KCNQ1: variants seen among roughly 807,000 people sequenced by gnomAD.
The protein encoded by KCNQ1 is potassium voltage-gated channel subfamily KQT member 1.
KCNQ1 carries 49 observed loss-of-function variants against 72.4 expected under a neutral mutation model. The observed-to-expected ratio is 0.68, with a 90% CI of 0.54 to 0.86. The LOEUF (loss-of-function observed/expected upper bound fraction) is 0.86, where lower values mean the gene tolerates loss of function less well. Among genes scored for constraint, KCNQ1 ranks in the 40% least tolerant of loss-of-function variants. KCNQ1 has a pLI of 0.00. For missense variants in KCNQ1, 790 were observed against 945.1 expected (o/e 0.84, Z 2.15); for synonymous variants, 450 against 412.6 (o/e 1.09, Z -1.10).
Position 2,473,894 on chromosome 11 carries a change from G to C in KCNQ1, c.386+28410G>C, listed in dbSNP as rs989253039. Among the ~76,000 whole-genome samples the C allele has an allele frequency of 2.6e-5, 4 of 152,240 alleles. No homozygotes were observed. Among genetic ancestry groups the C allele is most frequent in the African/African-American group, 9.6e-5 (4 of 41,476 alleles). Reference sequence around the variant, plus strand: ...CCTCCACAGATGGGAGCCTGGGAGAGCCCTGCCTCCCGGAACGGACATCCT... The same window carrying C: ...CCTCCACAGATGGGAGCCTGGGAGACCCCTGCCTCCCGGAACGGACATCCT... On this transcript the variant is annotated intron_variant, in intron 1 of 15. Coordinates refer to ENST00000155840, the MANE Select transcript of KCNQ1 (RefSeq NM_000218.3). The surrounding 1 kb of genome is among the most constrained non-coding windows in gnomAD (Gnocchi z 6.0).
At position 2,809,079 on chromosome 11, in the gene KCNQ1, A is replaced by G. The variant is rs1310835994; in HGVS notation, c.1794+31042A>G. Reference sequence around the variant, plus strand: ...TAGGTGGGTGGGTAGGTGGGTGGCCAGACAATGGATGTGTGAGTGAGTAGA... The same window carrying G: ...TAGGTGGGTGGGTAGGTGGGTGGCCGGACAATGGATGTGTGAGTGAGTAGA... On this transcript the variant is annotated intron_variant, in intron 15 of 15. Transcript: ENST00000155840. This position sits in a 1 kb window ranked among gnomAD's most constrained non-coding sequence, Gnocchi z 7.1. Among the ~76,000 whole-genome samples, 2 of 152,076 alleles carry G rather than the reference A, an allele frequency of 1.3e-5. No individual in the cohort carries two copies. Among genetic ancestry groups the G allele is most frequent in the African/African-American group, 4.8e-5 (2 of 41,386 alleles).
Position 2,682,699 on chromosome 11 carries a change from A to G in KCNQ1, c.1514+20618A>G. 1 of 398,528 alleles carries G rather than the reference A, an allele frequency of 2.5e-6. No homozygotes were observed. The highest frequency in any genetic ancestry group is 4.4e-6 in the Non-Finnish European group (1 of 226,044). The allele number at this position is 398,528 out of a possible 1,614,324, so 24.7% of individuals were successfully genotyped here. A position where few individuals can be genotyped will look rare whatever the true frequency, so the allele number is the denominator to read the frequency against. On this transcript the variant is annotated intron_variant, in intron 11 of 15. Coordinates refer to ENST00000155840, the MANE Select transcript of KCNQ1 (RefSeq NM_000218.3). The surrounding 1 kb of genome is among the most constrained non-coding windows in gnomAD (Gnocchi z 5.8). Reference sequence around the variant, plus strand: ...CCATAGAAGCTGGGGTCCAAAGTTGACCAGAATATCTCTAGTCATAAAGAA... The same window carrying G: ...CCATAGAAGCTGGGGTCCAAAGTTGGCCAGAATATCTCTAGTCATAAAGAA...
chr11:2,625,498 A>G, intron 10 of KCNQ1: 1 of 398,110 alleles, frequency 2.5e-6, no homozygotes, highest in East Asian at 3.6e-5. Context: ...CCTAATGACT[A>G]GAGATGTTAA....
intron 1 of KCNQ1, among the ~76,000 whole-genome samples, chr11:2,503,198 A>G (rs1847045149): frequency 6.6e-6 from 1 of 152,210 alleles, no homozygotes; most frequent in African/African-American, 2.4e-5. Flanking sequence ...ACATCAAGTT[A>G]AAAAGCTTCT....
rs887154446 is a variant in KCNQ1, at chr11:2,695,570, A to G, written c.1514+33489A>G. On this transcript the variant is annotated intron_variant, in intron 11 of 15. Transcript: ENST00000155840. The surrounding 1 kb of genome is among the most constrained non-coding windows in gnomAD (Gnocchi z 5.2). The stretch of plus-strand genomic sequence containing the variant: ...GGGCCATGCTGCCCTGAGCATGCAC[A>G]CACACAGCCTCTCGTTGTTCTGGGT... 5.0e-6 allele frequency: 2 copies of G among 398,518 alleles called. No individual in the cohort carries two copies. Among genetic ancestry groups the G allele is most frequent in the Admixed American group, 8.8e-5 (2 of 22,702 alleles). 24.7% of individuals were successfully genotyped at this position (398,518 alleles called of 1,614,324 possible).
rs2092985894 is a variant in KCNQ1, at chr11:2,645,726, A to G, written c.1394-16235A>G. The stretch of plus-strand genomic sequence containing the variant: ...TCAGGAGTGGCAACCAGCTTTGTGT[A>G]AGGGATGTCCATGGGGCTCCAGGGA... On this transcript the variant is annotated intron_variant, in intron 10 of 15. Coordinates refer to ENST00000155840, the MANE Select transcript of KCNQ1 (RefSeq NM_000218.3). The surrounding 1 kb of genome is among the most constrained non-coding windows in gnomAD (Gnocchi z 5.8). The G allele has an allele frequency of 2.5e-6, 1 of 398,800 alleles. No individual in the cohort carries two copies. The highest frequency in any genetic ancestry group is 4.4e-6 in the Non-Finnish European group (1 of 226,228). 24.7% of individuals were successfully genotyped at this position (398,800 alleles called of 1,614,324 possible).
chr11:2,772,938 A>C lies in KCNQ1; in HGVS notation c.1591-3022A>C, dbSNP rs1014553170. Among the ~76,000 whole-genome samples, 3 of 152,118 alleles carry C rather than the reference A, an allele frequency of 2.0e-5. No homozygotes were observed. Among genetic ancestry groups the C allele is most frequent in the Admixed American group, 1.3e-4 (2 of 15,278 alleles). On this transcript the variant is annotated intron_variant, in intron 12 of 15. Transcript: ENST00000155840. This position sits in a 1 kb window ranked among gnomAD's most constrained non-coding sequence, Gnocchi z 6.6. ...GAGCTCTGTGGTCTGCAGGAGGCTC[A>C]CCACCATGACTCATGCCATGTTCAA...
chr11:2,803,630 C>T lies in KCNQ1; in HGVS notation c.1794+25593C>T, dbSNP rs1312273662. 2.0e-5 allele frequency among the ~76,000 whole-genome samples: 3 copies of T among 152,112 alleles called. No homozygotes were observed. The highest frequency in any genetic ancestry group is 7.2e-5 in the African/African-American group (3 of 41,418). On this transcript the variant is annotated intron_variant, in intron 15 of 15. Coordinates refer to ENST00000155840, the MANE Select transcript of KCNQ1 (RefSeq NM_000218.3). The surrounding 1 kb of genome is among the most constrained non-coding windows in gnomAD (Gnocchi z 6.4). The stretch of plus-strand genomic sequence containing the variant: ...CCTGTACCGTCTGCAGCCCCATCTC[C>T]AGGTCCCGGCCTGCCCCAGCCTGCC...
At chr11:2,540,590 G>T (rs1356936048) in intron 2 of KCNQ1, among the ~76,000 whole-genome samples, 1 of 152,254 alleles carries the variant, frequency 6.6e-6, no homozygotes, top group Non-Finnish European at 1.5e-5. Flanking sequence ...CCCAAGGTCA[G>T]CTCCAGCTGG....
intron 11 of KCNQ1, chr11:2,665,159 C>T: frequency 2.5e-6 from 1 of 398,712 alleles, no homozygotes; most frequent in Non-Finnish European, 4.4e-6. Flanking sequence ...GGACCCTCAA[C>T]CAGCTCTGGG....
In KCNQ1 at chr11:2,458,032, G is replaced by A. The variant is rs1176768519; in HGVS notation, c.386+12548G>A. Among the ~76,000 whole-genome samples the A allele has an allele frequency of 6.6e-6, 1 of 152,012 alleles. No individual in the cohort carries two copies. Among genetic ancestry groups the A allele is most frequent in the African/African-American group, 2.4e-5 (1 of 41,382 alleles). On this transcript the variant is annotated intron_variant, in intron 1 of 15. Coordinates refer to ENST00000155840, the MANE Select transcript of KCNQ1 (RefSeq NM_000218.3). This position sits in a 1 kb window ranked among gnomAD's most constrained non-coding sequence, Gnocchi z 4.6. ...ACCATTTCCCCCTGAAAGAAACCAG[G>A]GCCCCTGGCGGATTCCAGGTCTGTG...
chr11:2,730,950 G>A (rs1027309805), intron 11 of KCNQ1, among the ~76,000 whole-genome samples: 14 of 152,144 alleles, frequency 9.2e-5, no homozygotes, highest in Admixed American at 3.9e-4. Flanking sequence ...TGAGAGCCCC[G>A]GCCCAGCCTC....
intron 11 of KCNQ1, among the ~76,000 whole-genome samples, chr11:2,717,508 A>G (rs1851113340): frequency 6.6e-6 from 1 of 152,166 alleles, no homozygotes; most frequent in African/African-American, 2.4e-5. Context: ...GCTTTCTTCC[A>G]GAACCTTTTA....
At chr11:2,775,108 T>C (rs1017916639) in intron 12 of KCNQ1, among the ~76,000 whole-genome samples, 2 of 152,236 alleles carry the variant, frequency 1.3e-5, no homozygotes, top group Non-Finnish European at 1.5e-5. Context: ...TGTTGTCCTA[T>C]GTGCTGGCTT....
chr11:2,832,823 G>T (rs1251023164), intron 15 of KCNQ1, among the ~76,000 whole-genome samples: 1 of 152,176 alleles, frequency 6.6e-6, no homozygotes, highest in Non-Finnish European at 1.5e-5. Context: ...GGTGACAACT[G>T]TAGGGTGTGG....
intron 2 of KCNQ1, among the ~76,000 whole-genome samples, chr11:2,532,664 AAGG>A (rs1404929972): frequency 1.3e-5 from 2 of 152,044 alleles, no homozygotes; most frequent in Non-Finnish European, 2.9e-5. Flanking sequence ...GCACAGTGAG[AAGG>A]AGGTAAGCTG....
At chr11:2,489,866 C>A (rs948022530) in intron 1 of KCNQ1, among the ~76,000 whole-genome samples, 9 of 152,336 alleles carry the variant, frequency 5.9e-5, no homozygotes, top group East Asian at 3.9e-4. Context: ...GAACAACCAG[C>A]AGTGCCAGGT....
chr11:2,471,147 C>T lies in KCNQ1; in HGVS notation c.386+25663C>T, dbSNP rs938415220. On this transcript the variant is annotated intron_variant, in intron 1 of 15. Coordinates refer to ENST00000155840, the MANE Select transcript of KCNQ1 (RefSeq NM_000218.3). This position sits in a 1 kb window ranked among gnomAD's most constrained non-coding sequence, Gnocchi z 4.8. ...AACTCATCTCATCGATATCTCCCAA[C>T]GGCTGGGGAACAAGGGCTGACTCGG... Among the ~76,000 whole-genome samples, 2 of 152,030 alleles carry T rather than the reference C, an allele frequency of 1.3e-5. No individual in the cohort carries two copies. The highest frequency in any genetic ancestry group is 4.8e-5 in the African/African-American group (2 of 41,382).
intron 2 of KCNQ1, among the ~76,000 whole-genome samples, chr11:2,561,548 T>C (rs1163706523): frequency 6.6e-6 from 1 of 152,216 alleles, no homozygotes; most frequent in East Asian, 1.9e-4. Context: ...GCACTGCTGG[T>C]GCCCCATTTT....
Sources: gnomAD v4.1 joint callset for allele counts (sites outside exome capture counted in the v4.1 genomes callset) on GRCh38, gnomAD v4.1.1 for gene constraint, Gnocchi (gnomAD v3.1) non-coding constraint, MANE v1.5 for transcripts, NCBI Gene and HGNC (gene_info 2026-07-23, HGNC 2026-07-21) for gene names.